The following MEF2D variants were observed in gnomAD, a reference collection of about 807,000 sequenced individuals.
The protein encoded by MEF2D is myocyte-specific enhancer factor 2D.
A neutral mutation model predicts 59.3 loss-of-function variants in MEF2D; 10 were observed. The observed-to-expected ratio is 0.17, with a 90% CI of 0.10 to 0.29. The LOEUF is 0.29. Ranked by LOEUF, MEF2D falls within the 10% of genes least tolerant of loss-of-function variation. MEF2D has a pLI of 1.00. For synonymous variants in MEF2D, 305 were observed against 295.0 expected (o/e 1.03, Z -0.35); for missense variants, 508 against 699.4 (o/e 0.73, Z 3.09).
chr1:156,485,588 G>C (rs1225539792), intron 1 of MEF2D, among the ~76,000 whole-genome samples: 1 of 149,780 alleles, frequency 6.7e-6, no homozygotes, highest in African/African-American at 2.5e-5. Flanking sequence ...TGTTGTCCAG[G>C]CTGGAGTGTA....
rs539883515 is a variant in MEF2D, at chr1:156,495,895, G to A, written c.-139+4591C>T. Among the ~76,000 whole-genome samples, 30 of 152,240 alleles carry A rather than the reference G, an allele frequency of 2.0e-4. 1 individual carries two copies. Among genetic ancestry groups the A allele is most frequent in the East Asian group, 9.6e-4 (5 of 5,182 alleles). On this transcript the variant is annotated intron_variant, in intron 1 of 11. Coordinates refer to ENST00000348159, the MANE Select transcript of MEF2D (RefSeq NM_005920.4). ...GCCTAGAGCCCAGAGCCTCCTGGGAGGGTAAGTTTAAATGAGTAAATATGG... is the reference window on the plus strand; with the variant it reads ...GCCTAGAGCCCAGAGCCTCCTGGGAAGGTAAGTTTAAATGAGTAAATATGG...
intron 1 of MEF2D, chr1:156,490,413 G>GT (rs1376274787): frequency 6.6e-6 from 1 of 152,440 alleles, no homozygotes; most frequent in Non-Finnish European, 1.5e-5. Context: ...GGTTCCCACC[G>GT]TCTTTCCCTC....
rs952867925 is a variant in MEF2D at position 156,468,480 on chromosome 1, A to C, written c.1248-181T>G. Among the ~76,000 whole-genome samples the C allele has an allele frequency of 6.6e-6, 1 of 152,060 alleles. No homozygotes were observed. Among genetic ancestry groups the C allele is most frequent in the African/African-American group, 2.4e-5 (1 of 41,376 alleles). On this transcript the variant is annotated intron_variant, in intron 10 of 11. Transcript: ENST00000348159. The surrounding 1 kb of genome is among the most constrained non-coding windows in gnomAD (Gnocchi z 4.3). ...ATCAGAAGAGGGTCGAATGAAGGGA[A>C]GAGAAGGGAAATAAGAAATATTAGT...
rs1404799782 is a variant in MEF2D, at chr1:156,499,239, G to A, written c.-139+1247C>T. The stretch of plus-strand genomic sequence containing the variant: ...GCTGCGGAGACCCACTGAAGGGATA[G>A]GAGGAGGAGTGGATAAGGGCCACCT... On this transcript the variant is annotated intron_variant, in intron 1 of 11. Coordinates refer to ENST00000348159, the MANE Select transcript of MEF2D (RefSeq NM_005920.4). 2.0e-5 allele frequency among the ~76,000 whole-genome samples: 3 copies of A among 152,308 alleles called. No individual in the cohort carries two copies. The East Asian group carries it at 5.8e-4, about 29-fold the overall frequency.
rs536202230 is a variant in MEF2D at position 156,490,312 on chromosome 1, C to T, written c.-138-6882G>A. Among the ~76,000 whole-genome samples, 437 of 152,174 alleles carry T rather than the reference C, an allele frequency of 2.9e-3. 1 individual carries two copies. Among genetic ancestry groups the T allele is most frequent in the Non-Finnish European group, 4.5e-3 (304 of 67,966 alleles). ...CCCACAGCAGCCTCTTTTCTTCACC[C>T]CAGAAGTGCTTCTAGGGTCTGATCT... On this transcript the variant is annotated intron_variant, in intron 1 of 11. Coordinates refer to ENST00000348159, the MANE Select transcript of MEF2D (RefSeq NM_005920.4).
At chr1:156,481,056 C>A in intron 3 of MEF2D, 85 bp from the exon 4 acceptor site, 1 of 1,573,008 alleles carries the variant, frequency 6.4e-7, no homozygotes, top group Non-Finnish European at 8.6e-7. Context: ...CCCTAAGGGC[C>A]CCCTACTCTT....
chr1:156,475,124 G>A lies in MEF2D; in HGVS notation c.990C>T (p.Pro330=). The A allele has an allele frequency of 6.2e-7, 1 of 1,614,204 alleles. No individual in the cohort carries two copies. Among genetic ancestry groups the A allele is most frequent in the South Asian group, 1.1e-5 (1 of 91,086 alleles). ...LSQGLPFSSM[P]TAYNTDYQLT... is the part of the protein sequence containing the mutation. ...AACACTCACCTGTGTTGTAGGCAGT[G>A]GGCATGGAAGAGAAGGGGAGGCCCT... Residue 330 remains proline (P), a synonymous_variant, in exon 9 of 12, where the codon CCC becomes CCT. Coordinates refer to ENST00000348159, the MANE Select transcript of MEF2D (RefSeq NM_005920.4).
At chr1:156,472,429 GT>G (rs1467475672) in intron 9 of MEF2D, among the ~76,000 whole-genome samples, 1 of 152,258 alleles carries the variant, frequency 6.6e-6, no homozygotes, top group African/African-American at 2.4e-5. Context: ...CACCTGGGTG[GT>G]AACTACACAC....
chr1:156,491,238 C>T (rs1012367169), intron 1 of MEF2D, among the ~76,000 whole-genome samples: 15 of 152,216 alleles, frequency 9.9e-5, no homozygotes, highest in African/African-American at 3.6e-4. Flanking sequence ...GAGTAAGTCA[C>T]TGCCTTCTAC....
intron 1 of MEF2D, among the ~76,000 whole-genome samples, chr1:156,487,150 T>C (rs1277159046): frequency 6.6e-6 from 1 of 152,138 alleles, no homozygotes; most frequent in Non-Finnish European, 1.5e-5. Flanking sequence ...GGCAACCAGC[T>C]CCCTGGCTGA....
intron 1 of MEF2D, among the ~76,000 whole-genome samples, chr1:156,491,147 G>C (rs1245809474): frequency 6.6e-6 from 1 of 152,224 alleles, no homozygotes; most frequent in Non-Finnish European, 1.5e-5. Flanking sequence ...GCAATGAACA[G>C]CTTAGGGAAA....
chr1:156,468,105 C>A lies in MEF2D; in HGVS notation c.1442G>T (p.Gly481Val). Reference sequence around the variant, plus strand: ...GTCCCCCCGTCCGTCATCCCGGTCTCCCGTCTCATAGGATCCCCCGGCTGG... The same window carrying A: ...GTCCCCCCGTCCGTCATCCCGGTCTACCGTCTCATAGGATCCCCCGGCTGG... Reference protein sequence around the residue: ...SSPAGGSYETGDRDDGRGDFG... With the variant: ...SSPAGGSYETVDRDDGRGDFG... Residue 481 changes from glycine to valine, a missense_variant, in exon 11 of 12, where the codon GGA (glycine) becomes GTA (valine). Physicochemically the swap from Gly to Val is moderately radical, Grantham distance 109 (BLOSUM62 -3). This residue lies in a region of MEF2D where 481 missense variants were observed against 584.7 expected (regional missense o/e 0.82). Transcript: ENST00000348159. The surrounding 1 kb of genome is among the most constrained non-coding windows in gnomAD (Gnocchi z 4.3). The A allele has an allele frequency of 2.5e-6, 4 of 1,614,062 alleles. No homozygotes were observed. Among genetic ancestry groups the A allele is most frequent in the Non-Finnish European group, 3.4e-6 (4 of 1,179,974 alleles).
At position 156,480,978 on chromosome 1, in the gene MEF2D, C is replaced by T; in HGVS notation, c.259-7G>A. ...AGCCCTTCTTCCTCAGGGTCTGTAA[C>T]CGCACCACTGCCATCAGCTGGGTGA... On this transcript the variant is annotated splice_region_variant and splice_polypyrimidine_tract_variant and intron_variant, in intron 3 of 11. Coordinates refer to ENST00000348159, the MANE Select transcript of MEF2D (RefSeq NM_005920.4). The T allele has an allele frequency of 6.2e-7, 1 of 1,611,662 alleles. No homozygotes were observed. Among genetic ancestry groups the T allele is most frequent in the Admixed American group, 1.7e-5 (1 of 60,004 alleles).
At position 156,468,360 on chromosome 1, in the gene MEF2D, A is replaced by AC; in HGVS notation, c.1248-62dup. On this transcript the variant is annotated intron_variant, in intron 10 of 11. Transcript: ENST00000348159. The surrounding 1 kb of genome is among the most constrained non-coding windows in gnomAD (Gnocchi z 4.3). Reference sequence around the variant, plus strand: ...AAAAACAGAGGGGGTGAGTGACAGAACAAGTGATAGGACACCAGACAGAAA... The same window carrying AC: ...AAAAACAGAGGGGGTGAGTGACAGAACCAAGTGATAGGACACCAGACAGAAA... 1 of 1,240,036 alleles carries AC rather than the reference A, an allele frequency of 8.1e-7. No individual in the cohort carries two copies. Among genetic ancestry groups the AC allele is most frequent in the Non-Finnish European group, 1.1e-6 (1 of 887,762 alleles). 76.8% of individuals were successfully genotyped at this position (1,240,036 alleles called of 1,614,324 possible).
rs1187172295 is a variant in MEF2D, at chr1:156,467,361, C to T, written c.*284G>A. ...ATATGTGTACAACGTGCAAAGTGTC[C>T]CCCCTTCCCGCGAAAAAGAGAGCCC... is the stretch of plus-strand genomic sequence containing the variant. On this transcript the variant is annotated 3_prime_UTR_variant, in exon 12 of 12. Coordinates refer to ENST00000348159, the MANE Select transcript of MEF2D (RefSeq NM_005920.4). 1.2e-5 allele frequency: 2 copies of T among 164,590 alleles called. No individual in the cohort carries two copies. Among genetic ancestry groups the T allele is most frequent in the Non-Finnish European group, 2.6e-5 (2 of 77,176 alleles). The allele number at this position is 164,590 out of a possible 1,614,324, so 10.2% of individuals were successfully genotyped here. A position where few individuals can be genotyped will look rare whatever the true frequency, so the allele number is the denominator to read the frequency against.
rs1671052352 is a variant in MEF2D, at chr1:156,468,917, G to C, written c.1110C>G (p.Pro370=). ...NVTAWQQPQQ[P]QQPQQPQPPQ... is the part of the protein sequence containing the mutation. ...GAGGCTGTGGCTGCTGCGGCTGCTG[G>C]GGCTGCTGTGGCTGTTGCCAGGCAG... Residue 370 remains proline, a synonymous_variant, in exon 10 of 12, where the codon CCC becomes CCG. Transcript: ENST00000348159. This position sits in a 1 kb window ranked among gnomAD's most constrained non-coding sequence, Gnocchi z 4.3. 1.9e-6 allele frequency: 3 copies of C among 1,613,332 alleles called. No homozygotes were observed. The highest frequency in any genetic ancestry group is 1.3e-5 in the African/African-American group (1 of 74,868).
Position 156,468,346 on chromosome 1 carries a change from G to A in MEF2D, c.1248-47C>T. The A allele has an allele frequency of 1.4e-6, 2 of 1,382,844 alleles. No individual in the cohort carries two copies. Among genetic ancestry groups the A allele is most frequent in the Non-Finnish European group, 2.0e-6 (2 of 1,014,000 alleles). 85.7% of individuals were successfully genotyped at this position (1,382,844 alleles called of 1,614,324 possible). A position where few individuals can be genotyped will look rare whatever the true frequency, so the allele number is the denominator to read the frequency against. ...GGGGTACAAGGGATAAAAACAGAGG[G>A]GGTGAGTGACAGAACAAGTGATAGG... On this transcript the variant is annotated intron_variant, in intron 10 of 11. Transcript: ENST00000348159. This position sits in a 1 kb window ranked among gnomAD's most constrained non-coding sequence, Gnocchi z 4.3.
intron 1 of MEF2D, among the ~76,000 whole-genome samples, chr1:156,489,265 G>A (rs1672586281): frequency 6.6e-6 from 1 of 152,162 alleles, no homozygotes; most frequent in South Asian, 2.1e-4. Context: ...TGGCTGGGCT[G>A]CAGGGCATGA....
At chr1:156,494,603 C>T (rs1673020524) in intron 1 of MEF2D, among the ~76,000 whole-genome samples, 1 of 152,174 alleles carries the variant, frequency 6.6e-6, no homozygotes, top group African/African-American at 2.4e-5. Context: ...TTCCTTGCCC[C>T]CACCCCTGCT....
Sources: allele counts gnomAD v4.1 joint callset (sites outside exome capture counted in the v4.1 genomes callset), GRCh38; gene constraint gnomAD v4.1.1; regional missense constraint gnomAD v4.1.1; non-coding constraint Gnocchi (gnomAD v3.1); transcripts MANE v1.5; gene names NCBI Gene and HGNC (gene_info 2026-07-23, HGNC 2026-07-21).